Variants in PIK3CB observed in about 807,000 individuals in gnomAD.
The protein encoded by PIK3CB is phosphatidylinositol 4,5-bisphosphate 3-kinase catalytic subunit beta isoform.
A neutral mutation model predicts 136.8 loss-of-function variants in PIK3CB; 39 were observed. The observed-to-expected ratio is 0.29, with a 90% CI of 0.22 to 0.37. The LOEUF (loss-of-function observed/expected upper bound fraction) is 0.37. Ranked by LOEUF, PIK3CB falls within the 10% of genes least tolerant of loss-of-function variation. The pLI is 1.00. For synonymous variants in PIK3CB, 428 were observed against 436.6 expected (o/e 0.98, Z 0.25); for missense variants, 868 against 1,275.4 (o/e 0.68, Z 4.87).
chr3:138,815,139 CA>C (rs71637082), intron 1 of PIK3CB, among the ~76,000 whole-genome samples: 28 of 38,146 alleles, frequency 7.3e-4, no homozygotes, highest in Admixed American at 3.7e-3. Context: ...GACTCCGTCT[CA>C]AAAAAAAAAA....
rs760833581 is a variant in PIK3CB, at chr3:138,737,782, G to A, written c.726C>T (p.Ser242=). The A allele has an allele frequency of 1.1e-5, 17 of 1,612,028 alleles. No homozygotes were observed. The Admixed American group carries it at 2.5e-4, about 24-fold the overall frequency. The change falls in exon 6 of 24, where the codon AGC becomes AGT. Residue 242 remains serine (S), a synonymous_variant. Coordinates refer to ENST00000674063, the MANE Select transcript of PIK3CB (RefSeq NM_006219.3). ...LTIHGKEDEV[S]PYDYVLQVSG... is the part of the protein sequence containing the mutation. ...TGACTTGCAACACATAATCATAGGG[G>A]CTAACTTCATCTTCCTTCCCATGAA...
chr3:138,798,346 G>A (rs867957926), intron 1 of PIK3CB, among the ~76,000 whole-genome samples: 2 of 152,086 alleles, frequency 1.3e-5, no homozygotes, highest in African/African-American at 4.8e-5. Context: ...TGTATTTTTA[G>A]TAGAGATGGG....
chr3:138,703,576 ATAGATATG>A (rs2044300611), intron 12 of PIK3CB, among the ~76,000 whole-genome samples: 1 of 143,000 alleles, frequency 7.0e-6, no homozygotes, highest in African/African-American at 3.0e-5. Flanking sequence ...AGATATAGAT[ATAGATATG>A]TAGATATAGA....
intron 17 of PIK3CB, among the ~76,000 whole-genome samples, chr3:138,684,369 T>C (rs886306822): frequency 2.6e-5 from 4 of 152,216 alleles, no homozygotes; most frequent in Admixed American, 2.0e-4. Flanking sequence ...ATCAGTAATA[T>C]AGAAAATAAA....
In PIK3CB at chr3:138,820,132, G is replaced by GT. The variant is rs1195007200; in HGVS notation, c.-122+14562dup. Among the ~76,000 whole-genome samples the GT allele has an allele frequency of 4.6e-5, 7 of 152,306 alleles. No homozygotes were observed. The South Asian group carries it at 1.4e-3, about 32-fold the overall frequency. ...AAACAAATCTTTGCTTTGCAAGACT[G>GT]TTGCACACTTTATATTACTAAGGCT... On this transcript the variant is annotated intron_variant, in intron 1 of 23. Coordinates refer to ENST00000674063, the MANE Select transcript of PIK3CB (RefSeq NM_006219.3).
chr3:138,679,936 TAAAA>T (rs61222749), intron 19 of PIK3CB, among the ~76,000 whole-genome samples: 1 of 110,846 alleles, frequency 9.0e-6, no homozygotes, highest in Non-Finnish European at 1.9e-5. Context: ...AACACAAAAG[TAAAA>T]AAAAAAAAAA....
At chr3:138,757,766 T>C (rs1157671390) in intron 3 of PIK3CB, among the ~76,000 whole-genome samples, 1 of 151,520 alleles carries the variant, frequency 6.6e-6, no homozygotes, top group African/African-American at 2.4e-5. Context: ...TAGCATGTGT[T>C]GGCCAGTATG....
chr3:138,693,986 A>G (rs1471042306), intron 14 of PIK3CB, among the ~76,000 whole-genome samples: 1 of 111,684 alleles, frequency 9.0e-6, no homozygotes, highest in Admixed American at 9.3e-5. Context: ...ATATATATAT[A>G]TATATATTTT....
chr3:138,760,448 T>C (rs1037750241), intron 2 of PIK3CB, among the ~76,000 whole-genome samples: 3 of 152,172 alleles, frequency 2.0e-5, no homozygotes, highest in African/African-American at 7.2e-5. Context: ...ACAAACGCAC[T>C]ATCCCAACAA....
At chr3:138,799,078 C>T (rs537726873) in intron 1 of PIK3CB, among the ~76,000 whole-genome samples, 25 of 151,910 alleles carry the variant, frequency 1.6e-4, no homozygotes, top group African/African-American at 4.8e-4. Context: ...AAAAATTAGC[C>T]GGGCGTGGTG....
intron 13 of PIK3CB, 80 bp from the exon 14 acceptor site, chr3:138,694,987 G>C: frequency 1.4e-6 from 2 of 1,386,554 alleles, no homozygotes; most frequent in Non-Finnish European, 1.9e-6. Flanking sequence ...GGAGCACCAA[G>C]ATAGGTCAAA....
In PIK3CB at chr3:138,737,695, TAA is replaced by T; in HGVS notation, c.801+10_801+11del. ...TAGACTTTTCTGGTAAATTAATAGT[TAA>T]TATACATACCTGGAACTGAATTAGT... On this transcript the variant is annotated intron_variant, in intron 6 of 23. Transcript: ENST00000674063. The T allele has an allele frequency of 6.8e-7, 1 of 1,478,108 alleles. No individual in the cohort carries two copies. Among genetic ancestry groups the T allele is most frequent in the Non-Finnish European group, 9.3e-7 (1 of 1,077,396 alleles). 91.6% of individuals were successfully genotyped at this position (1,478,108 alleles called of 1,614,324 possible).
chr3:138,688,154 G>A (rs1374256993), intron 16 of PIK3CB, among the ~76,000 whole-genome samples: 2 of 152,140 alleles, frequency 1.3e-5, no homozygotes, highest in African/African-American at 4.8e-5. Flanking sequence ...TTCTGGCAAT[G>A]CAAATGAATT....
intron 6 of PIK3CB, among the ~76,000 whole-genome samples, chr3:138,736,530 A>C (rs2045107867): frequency 6.6e-6 from 1 of 152,240 alleles, no homozygotes; most frequent in African/African-American, 2.4e-5. Flanking sequence ...TATTCCTTAC[A>C]TAATGACTAT....
Position 138,828,279 on chromosome 3 carries a change from G to A in PIK3CB, c.-122+6416C>T, listed in dbSNP as rs997109969. Among the ~76,000 whole-genome samples, 3 of 145,888 alleles carry A rather than the reference G, an allele frequency of 2.1e-5. No individual in the cohort carries two copies. The South Asian group carries it at 6.6e-4, about 32-fold the overall frequency. ...CGGCTCACTGCAAGCTCCGCCTCCC[G>A]GGTTGACGCCATTCTCTTGCCTCAG... On this transcript the variant is annotated intron_variant, in intron 1 of 23. Transcript: ENST00000674063.
chr3:138,748,188 C>CAT lies in PIK3CB; in HGVS notation c.398-5408_398-5407insAT, dbSNP rs1224195555. ...ACACACACACACACACACACACACA[C>CAT]ACACACACATCCTTAGACCTCACAA... On this transcript the variant is annotated intron_variant, in intron 4 of 23. Coordinates refer to ENST00000674063, the MANE Select transcript of PIK3CB (RefSeq NM_006219.3). Among the ~76,000 whole-genome samples the CAT allele has an allele frequency of 4.0e-5, 6 of 148,820 alleles. No individual in the cohort carries two copies. In the East Asian group the frequency reaches 9.7e-4, roughly 24 times the overall value.
At chr3:138,656,017 G>T in intron 23 of PIK3CB, 125 bp downstream of exon 23, 1 of 938,632 alleles carries the variant, frequency 1.1e-6, no homozygotes, top group Non-Finnish European at 1.6e-6. Context: ...TTTCCCTCCT[G>T]GCTAAGAACC....
At chr3:138,686,088 G>C (rs2043886776) in intron 16 of PIK3CB, among the ~76,000 whole-genome samples, 1 of 152,124 alleles carries the variant, frequency 6.6e-6, no homozygotes, top group African/African-American at 2.4e-5. Context: ...AGTGAGCCAA[G>C]ATCGTACCAC....
intron 1 of PIK3CB, among the ~76,000 whole-genome samples, chr3:138,824,322 C>T (rs1933686724): frequency 6.6e-6 from 1 of 152,128 alleles, no homozygotes; most frequent in African/African-American, 2.4e-5. Context: ...ACCAGGGATG[C>T]TGTCCTTGGG....
Sources: allele counts gnomAD v4.1 joint callset (sites outside exome capture counted in the v4.1 genomes callset), GRCh38; gene constraint gnomAD v4.1.1; transcripts MANE v1.5; gene names NCBI Gene and HGNC (gene_info 2026-07-23, HGNC 2026-07-21).